CCDC39: variants seen among roughly 807,000 people sequenced by gnomAD.
CCDC39 encodes coiled-coil domain 39 molecular ruler complex subunit.
In CCDC39, 113 loss-of-function variants were observed where a neutral mutation model predicts 121.0. The observed-to-expected ratio is 0.93, with a 90% CI of 0.80 to 1.09. The LOEUF is 1.09. Among genes scored for constraint, CCDC39 ranks in the 50% least tolerant of loss-of-function variants. The probability of loss-of-function intolerance (pLI) is 0.00; values close to 1 mark genes in which losing one functional copy is unlikely to be tolerated. For synonymous variants in CCDC39, 349 were observed against 352.2 expected (o/e 0.99, Z 0.10); for missense variants, 1,063 against 1,074.7 (o/e 0.99, Z 0.15).
chr3:180,664,743 T>C (rs1711830546), intron 1 of CCDC39, among the ~76,000 whole-genome samples: 1 of 151,508 alleles, frequency 6.6e-6, no homozygotes, highest in Non-Finnish European at 1.5e-5. Context: ...TCACCCAGGC[T>C]GGAGTGCAGT....
intron 6 of CCDC39, among the ~76,000 whole-genome samples, chr3:180,658,666 G>C (rs188474958): frequency 7.6e-4 from 115 of 151,968 alleles, no homozygotes; most frequent in African/African-American, 2.7e-3. Flanking sequence ...CTCCTAGGGA[G>C]GTATAACCAG....
chr3:180,666,186 C>G (rs1711871023), intron 1 of CCDC39, among the ~76,000 whole-genome samples: 2 of 152,142 alleles, frequency 1.3e-5, no homozygotes, highest in Non-Finnish European at 2.9e-5. Context: ...AATTTGACTA[C>G]TCTAGGTACC....
intron 14 of CCDC39, among the ~76,000 whole-genome samples, chr3:180,621,875 T>G (rs1717440142): frequency 6.6e-6 from 1 of 152,178 alleles, no homozygotes; most frequent in South Asian, 2.1e-4. Context: ...TCCCTCCAGC[T>G]TTGTTCTTTT....
At chr3:180,668,148 C>T (rs535088098) in intron 1 of CCDC39, among the ~76,000 whole-genome samples, 7 of 152,034 alleles carry the variant, frequency 4.6e-5, no homozygotes, top group Non-Finnish European at 8.8e-5. Context: ...GAGGCCAAGG[C>T]GGACAGATCA....
chr3:180,627,644 A>C (rs1200082594), intron 14 of CCDC39, among the ~76,000 whole-genome samples: 1 of 152,252 alleles, frequency 6.6e-6, no homozygotes, highest in Non-Finnish European at 1.5e-5. Context: ...AGGAACTTGG[A>C]AATGAGATTT....
At chr3:180,675,830 AAAT>A (rs1217184323) in intron 1 of CCDC39, among the ~76,000 whole-genome samples, 2 of 152,214 alleles carry the variant, frequency 1.3e-5, no homozygotes, top group African/African-American at 4.8e-5. Context: ...GAGCCCTCAG[AAAT>A]AATACCACAC....
intron 6 of CCDC39, among the ~76,000 whole-genome samples, chr3:180,657,767 C>A (rs1300299683): frequency 1.3e-5 from 2 of 152,122 alleles, no homozygotes; most frequent in African/African-American, 4.8e-5. Flanking sequence ...CTTTAAAAAT[C>A]AACTTGTAAC....
chr3:180,622,003 T>C (rs533351236), intron 14 of CCDC39, among the ~76,000 whole-genome samples: 1 of 152,262 alleles, frequency 6.6e-6, no homozygotes, highest in South Asian at 2.1e-4. Context: ...ATCTGTAGAT[T>C]CCTTTGGGCA....
intron 14 of CCDC39, among the ~76,000 whole-genome samples, chr3:180,621,848 G>T (rs1347344638): frequency 6.6e-6 from 1 of 152,138 alleles, no homozygotes; most frequent in Non-Finnish European, 1.5e-5. Flanking sequence ...GATATAATTT[G>T]AAGTCAGATG....
chr3:180,618,365 G>C (rs1717326833), intron 16 of CCDC39, among the ~76,000 whole-genome samples: 1 of 151,784 alleles, frequency 6.6e-6, no homozygotes, highest in Non-Finnish European at 1.5e-5. Context: ...TATCTCTTCT[G>C]CTTTATTAGT....
At chr3:180,651,087 C>T (rs774930350) in intron 9 of CCDC39, among the ~76,000 whole-genome samples, 5 of 151,710 alleles carry the variant, frequency 3.3e-5, no homozygotes, top group African/African-American at 4.8e-5. Flanking sequence ...CCCAACTACT[C>T]GGGAGGCTGA....
At chr3:180,622,844 G>A (rs906842518) in intron 14 of CCDC39, among the ~76,000 whole-genome samples, 1 of 151,606 alleles carries the variant, frequency 6.6e-6, no homozygotes. Context: ...TTGTGTCTGT[G>A]GTCTATGTTC....
rs1409862086 is a variant in CCDC39, at chr3:180,679,442, A to G, written c.-62T>C. 10 of 1,477,084 alleles carry G rather than the reference A, an allele frequency of 6.8e-6. No individual in the cohort carries two copies. The highest frequency in any genetic ancestry group is 1.9e-4 in the Middle Eastern group (1 of 5,216). The allele number at this position is 1,477,084 out of a possible 1,614,324, so 91.5% of individuals were successfully genotyped here. A position where few individuals can be genotyped will look rare whatever the true frequency, so the allele number is the denominator to read the frequency against. ...CCGCCTTCTTGTACAGCGGGTGAGCAGCACCCGCGTCAAGCCCAGGCACCT... is the reference window on the plus strand; with the variant it reads ...CCGCCTTCTTGTACAGCGGGTGAGCGGCACCCGCGTCAAGCCCAGGCACCT... On this transcript the variant is annotated 5_prime_UTR_variant, in exon 1 of 20. Transcript: ENST00000476379. This position sits in a 1 kb window ranked among gnomAD's most constrained non-coding sequence, Gnocchi z 4.0.
chr3:180,672,159 C>G lies in CCDC39; in HGVS notation c.90+7132G>C, dbSNP rs1712066372. 2.0e-5 allele frequency among the ~76,000 whole-genome samples: 3 copies of G among 152,030 alleles called. No homozygotes were observed. In the South Asian group the frequency reaches 6.2e-4, roughly 31 times the overall value. ...TTACTATTCTGAAAATCCTAAGGCCCTTAAGAATTGTGCTAAATCTACTCT... is the reference window on the plus strand; with the variant it reads ...TTACTATTCTGAAAATCCTAAGGCCGTTAAGAATTGTGCTAAATCTACTCT... On this transcript the variant is annotated intron_variant, in intron 1 of 19. Coordinates refer to ENST00000476379, the MANE Select transcript of CCDC39 (RefSeq NM_181426.2).
chr3:180,616,752 T>G, intron 17 of CCDC39, 57 bp from the exon 18 acceptor site: 1 of 1,576,702 alleles, frequency 6.3e-7, no homozygotes, highest in Non-Finnish European at 8.6e-7. Flanking sequence ...ATTTAATATT[T>G]TTAATAGATG....
At chr3:180,646,494 TAATAA>T (rs944505524) in intron 11 of CCDC39, among the ~76,000 whole-genome samples, 11 of 152,178 alleles carry the variant, frequency 7.2e-5, no homozygotes, top group African/African-American at 2.4e-4. Context: ...ACAAGAAACA[TAATAA>T]AATGCCTAAA....
At chr3:180,622,304 T>A (rs1355618523) in intron 14 of CCDC39, among the ~76,000 whole-genome samples, 1 of 149,728 alleles carries the variant, frequency 6.7e-6, no homozygotes, top group Non-Finnish European at 1.5e-5. Context: ...AATCTAAGAT[T>A]TTTTTTGGTG....
chr3:180,639,673 A>G (rs1717910399), intron 13 of CCDC39, among the ~76,000 whole-genome samples: 1 of 152,068 alleles, frequency 6.6e-6, no homozygotes, highest in African/African-American at 2.4e-5. Context: ...CTATACTTTG[A>G]GTACAGTGTA....
intron 1 of CCDC39, among the ~76,000 whole-genome samples, chr3:180,677,494 T>C (rs1712269376): frequency 6.6e-6 from 1 of 151,818 alleles, no homozygotes; most frequent in Non-Finnish European, 1.5e-5. Context: ...GTAAGAGTGC[T>C]AACTTATTCT....
Sources: gnomAD v4.1 joint callset for allele counts (sites outside exome capture counted in the v4.1 genomes callset) on GRCh38, gnomAD v4.1.1 for gene constraint, Gnocchi (gnomAD v3.1) non-coding constraint, MANE v1.5 for transcripts, NCBI Gene and HGNC (gene_info 2026-07-23, HGNC 2026-07-21) for gene names.